The following PSD variants were observed in gnomAD, a reference collection of about 807,000 sequenced individuals.
PSD encodes PH and SEC7 domain-containing protein 1.
Under a neutral mutation model 91.6 loss-of-function variants are expected in PSD, and 32 were observed. The ratio of observed to expected loss-of-function variants is 0.35; its 90% CI spans 0.26 to 0.47. The LOEUF is 0.47. PSD is among the 20% of genes least tolerant of loss of function. The probability of loss-of-function intolerance (pLI) is 1.00; values close to 1 mark genes in which losing one functional copy is unlikely to be tolerated. For missense variants in PSD, 1,099 were observed against 1,373.9 expected (o/e 0.80, Z 3.16); for synonymous variants, 532 against 569.3 (o/e 0.93, Z 0.93).
chr10:102,415,320 A>G, intron 3 of PSD, 91 bp from the exon 4 acceptor site: 2 of 1,420,638 alleles, frequency 1.4e-6, no homozygotes, highest in Non-Finnish European at 1.9e-6. Context: ...ACTGCCTCAT[A>G]TTGACAGGAA....
At chr10:102,411,007 T>C (rs191020295) in intron 9 of PSD, 51 bp downstream of exon 9, 4 of 1,612,276 alleles carry the variant, frequency 2.5e-6, no homozygotes, top group Admixed American at 1.7e-5. Context: ...AGGTCCTGCA[T>C]GTCTGGCCAG....
At position 102,409,251 on chromosome 10, in the gene PSD, G is replaced by A; in HGVS notation, c.2091+1607C>T. 2 of 983,328 alleles carry A rather than the reference G, an allele frequency of 2.0e-6. No individual in the cohort carries two copies. Among genetic ancestry groups the A allele is most frequent in the Non-Finnish European group, 2.4e-6 (2 of 828,306 alleles). The allele number at this position is 983,328 out of a possible 1,614,324, so 60.9% of individuals were successfully genotyped here. A position where few individuals can be genotyped will look rare whatever the true frequency, so the allele number is the denominator to read the frequency against. On this transcript the variant is annotated intron_variant, in intron 10 of 16. Coordinates refer to ENST00000020673, the MANE Select transcript of PSD (RefSeq NM_002779.5). This position sits in a 1 kb window ranked among gnomAD's most constrained non-coding sequence, Gnocchi z 5.7. ...GCTCTCACGGACGCACGGAGTGCGC[G>A]GCGGCGGCGGCGGCGCTGTCTGCTC... is the stretch of plus-strand genomic sequence containing the variant.
chr10:102,405,145 C>T lies in PSD; in HGVS notation c.2397+38G>A, dbSNP rs762213081. 38 of 1,610,616 alleles carry T rather than the reference C, an allele frequency of 2.4e-5. No homozygotes were observed. The highest frequency in any genetic ancestry group is 3.1e-5 in the Non-Finnish European group (37 of 1,179,430). ...CCATCACCCCACACCCACCAGCCAA[C>T]TCAGTCCCAGCCCCAGCCCCCTGGC... is the stretch of plus-strand genomic sequence containing the variant. On this transcript the variant is annotated intron_variant, in intron 13 of 16. Transcript: ENST00000020673. The surrounding 1 kb of genome is among the most constrained non-coding windows in gnomAD (Gnocchi z 5.4).
intron 11 of PSD, among the ~76,000 whole-genome samples, chr10:102,406,729 T>A (rs1424346139): frequency 6.6e-6 from 1 of 152,180 alleles, no homozygotes; most frequent in Non-Finnish European, 1.5e-5. Flanking sequence ...ATGGTCTTGA[T>A]CTCCTGACCT....
At position 102,413,837 on chromosome 10, in the gene PSD, T is replaced by C. The variant is rs1411261327; in HGVS notation, c.1485A>G (p.Pro495=). The change falls in exon 5 of 17, where the codon CCA becomes CCG. Residue 495 remains proline, a synonymous_variant. Coordinates refer to ENST00000020673, the MANE Select transcript of PSD (RefSeq NM_002779.5). ...EEAEARAKLA[P]GREPPSPCHS... ...GGCAGGGACTAGGGGGCTCCCTCCCTGGGGCCAGCTTGGCTCTGGCCTCTG... is the reference window on the plus strand; with the variant it reads ...GGCAGGGACTAGGGGGCTCCCTCCCCGGGGCCAGCTTGGCTCTGGCCTCTG... The C allele has an allele frequency of 1.9e-6, 3 of 1,613,980 alleles. No homozygotes were observed. The highest frequency in any genetic ancestry group is 3.3e-5 in the Admixed American group (2 of 60,008).
intron 7 of PSD, 32 bp downstream of exon 7, chr10:102,412,115 T>C: frequency 6.2e-7 from 1 of 1,602,712 alleles, no homozygotes; most frequent in Non-Finnish European, 8.5e-7. Flanking sequence ...CCCCGGAGAG[T>C]GGGGGCTGTC....
intron 11 of PSD, among the ~76,000 whole-genome samples, chr10:102,407,016 A>AT (rs1274219419): frequency 3.3e-5 from 5 of 152,062 alleles, no homozygotes; most frequent in Non-Finnish European, 5.9e-5. Context: ...CCCACTTGTC[A>AT]TAACAACCCA....
rs1277715913 is a variant in PSD, at chr10:102,404,865, G to A, written c.2555+33C>T. On this transcript the variant is annotated intron_variant, in intron 14 of 16. Transcript: ENST00000020673. The surrounding 1 kb of genome is among the most constrained non-coding windows in gnomAD (Gnocchi z 5.7). ...GGGAGCAGGATGGGAGGTGGGGGAA[G>A]GGGTCCGGGATGGGCAGGAGGAGGG... is the stretch of plus-strand genomic sequence containing the variant. 6.2e-7 allele frequency: 1 copy of A among 1,605,492 alleles called. No homozygotes were observed. Among genetic ancestry groups the A allele is most frequent in the Admixed American group, 1.7e-5 (1 of 59,440 alleles).
chr10:102,411,898 G>A, intron 7 of PSD, 79 bp from the exon 8 acceptor site: 1 of 1,096,064 alleles, frequency 9.1e-7, no homozygotes, highest in Non-Finnish European at 1.4e-6. Flanking sequence ...GAGGCTTTGA[G>A]AGTACAGCAG....
chr10:102,414,850 C>A lies in PSD; in HGVS notation c.1124+13G>T. The A allele has an allele frequency of 6.7e-7, 1 of 1,488,880 alleles. No homozygotes were observed. The highest frequency in any genetic ancestry group is 8.9e-7 in the Non-Finnish European group (1 of 1,123,958). 92.2% of individuals were successfully genotyped at this position (1,488,880 alleles called of 1,614,324 possible). A position where few individuals can be genotyped will look rare whatever the true frequency, so the allele number is the denominator to read the frequency against. Reference sequence around the variant, plus strand: ...TTCCCTCTCCCACTTCCCCCTCCCACTTCCCCACTCACCGGGCCCCTTCAG... The same window carrying A: ...TTCCCTCTCCCACTTCCCCCTCCCAATTCCCCACTCACCGGGCCCCTTCAG... On this transcript the variant is annotated intron_variant, in intron 4 of 16. Transcript: ENST00000020673. The surrounding 1 kb of genome is among the most constrained non-coding windows in gnomAD (Gnocchi z 5.6).
rs777971403 is a variant in PSD, at chr10:102,414,840, C to G, written c.1124+23G>C. The stretch of plus-strand genomic sequence containing the variant: ...AGCAAGCCGCTTCCCTCTCCCACTT[C>G]CCCCTCCCACTTCCCCACTCACCGG... On this transcript the variant is annotated intron_variant, in intron 4 of 16. Transcript: ENST00000020673. The surrounding 1 kb of genome is among the most constrained non-coding windows in gnomAD (Gnocchi z 5.6). 6.7e-6 allele frequency: 10 copies of G among 1,487,310 alleles called. No individual in the cohort carries two copies. The Admixed American group carries it at 1.8e-4, about 27-fold the overall frequency. The allele number at this position is 1,487,310 out of a possible 1,614,324, so 92.1% of individuals were successfully genotyped here.
intron 6 of PSD, 53 bp from the exon 7 acceptor site, chr10:102,412,280 C>T (rs1159775463): frequency 1.2e-6 from 2 of 1,610,742 alleles, no homozygotes; most frequent in Non-Finnish European, 1.7e-6. Context: ...TGCAGGGGGT[C>T]AGGTGGGGAT....
intron 10 of PSD, chr10:102,408,752 CAG>C (rs2135453646): frequency 2.4e-6 from 1 of 408,916 alleles, no homozygotes; most frequent in Non-Finnish European, 3.3e-6. Context: ...CCTGCCCCCC[CAG>C]CCCGTGCCCG....
intron 10 of PSD, chr10:102,408,760 G>A (rs1589885939): frequency 2.3e-6 from 1 of 430,386 alleles, no homozygotes; most frequent in African/African-American, 2.1e-5. Context: ...CCCAGCCCGT[G>A]CCCGCCTCTG....
chr10:102,411,922 G>C, intron 7 of PSD, 103 bp from the exon 8 acceptor site: 2 of 955,012 alleles, frequency 2.1e-6, no homozygotes, highest in African/African-American at 1.6e-5. Flanking sequence ...GGGTGGGAAG[G>C]GGAGGAGAGA....
In PSD at chr10:102,412,560, G is replaced by A. The variant is rs776663216; in HGVS notation, c.1569C>T (p.Ser523=). 12 of 1,611,950 alleles carry A rather than the reference G, an allele frequency of 7.4e-6. No homozygotes were observed. Among genetic ancestry groups the A allele is most frequent in the Middle Eastern group, 1.7e-4 (1 of 6,046 alleles). The change falls in exon 6 of 17, where the codon AGC becomes AGT. Residue 523 remains serine, a synonymous_variant. Transcript: ENST00000020673. ...CTGAGTCTGAGTCGGACACCAGCTG[G>A]CTCAGGGGTGGTTCGCTGCCGGGGT... The part of the protein sequence containing the change: ...AAPLGSEPPL[S]QLVSDSDSEL...
At position 102,416,852 on chromosome 10, in the gene PSD, C is replaced by T. The variant is rs750491172; in HGVS notation, c.187G>A (p.Val63Met). ...PGPRGRELGR[V>M]TAPCTPLRGP... is the part of the protein sequence containing the mutation. ...CGCAGAGGTGTACAGGGTGCTGTCA[C>T]ACGTCCCAGTTCCCGGCCTCGAGGA... The change falls in exon 2 of 17, where the codon GTG becomes ATG. Residue 63 changes from valine to methionine, a missense_variant. Physicochemically the swap from Val to Met is conservative, Grantham distance 21 (BLOSUM62 1). Coordinates refer to ENST00000020673, the MANE Select transcript of PSD (RefSeq NM_002779.5). The surrounding 1 kb of genome is among the most constrained non-coding windows in gnomAD (Gnocchi z 6.0). 1.9e-6 allele frequency: 3 copies of T among 1,600,486 alleles called. No homozygotes were observed. The highest frequency in any genetic ancestry group is 2.6e-6 in the Non-Finnish European group (3 of 1,173,710).
In PSD at chr10:102,405,709, TG is replaced by T. The variant is rs2061353357; in HGVS notation, c.2136-174del. ...ATCAGGCCTCCACAATGTGTAGCTG[TG>T]CCTCCTCAGAGCAGGGCACCTCCCT... On this transcript the variant is annotated intron_variant, in intron 11 of 16. Coordinates refer to ENST00000020673, the MANE Select transcript of PSD (RefSeq NM_002779.5). This position sits in a 1 kb window ranked among gnomAD's most constrained non-coding sequence, Gnocchi z 5.4. The T allele has an allele frequency of 3.1e-6, 2 of 635,828 alleles. No individual in the cohort carries two copies. Among genetic ancestry groups the T allele is most frequent in the East Asian group, 5.5e-5 (2 of 36,304 alleles). 39.4% of individuals were successfully genotyped at this position (635,828 alleles called of 1,614,324 possible).
intron 11 of PSD, among the ~76,000 whole-genome samples, chr10:102,406,955 G>T (rs1209791112): frequency 6.6e-6 from 1 of 152,108 alleles, no homozygotes; most frequent in Admixed American, 6.5e-5. Flanking sequence ...TCCCACTCAG[G>T]TTGCCAGGGG....
Sources: allele counts gnomAD v4.1 joint callset (sites outside exome capture counted in the v4.1 genomes callset), GRCh38; gene constraint gnomAD v4.1.1; non-coding constraint Gnocchi (gnomAD v3.1); transcripts MANE v1.5; gene names NCBI Gene and HGNC (gene_info 2026-07-23, HGNC 2026-07-21).